KANSL1: variants seen among roughly 807,000 people sequenced by gnomAD.
KANSL1 encodes KAT8 regulatory NSL complex subunit 1.
A neutral mutation model predicts 103.6 loss-of-function variants in KANSL1; 22 were observed. The observed-to-expected ratio is 0.21, with a 90% CI of 0.15 to 0.30. The LOEUF is 0.30. Ranked by LOEUF, KANSL1 falls within the 10% of genes least tolerant of loss-of-function variation. The pLI, the probability that KANSL1 is intolerant of heterozygous loss-of-function variation, is 1.00. For synonymous variants in KANSL1, 600 were observed against 527.6 expected, an observed-to-expected ratio of 1.14 and a Z score of -1.88; for missense variants, 1,337 against 1,399.8, an observed-to-expected ratio of 0.96 and a Z score of 0.72.
intron 1 of KANSL1, among the ~76,000 whole-genome samples, chr17:46,177,943 A>G (rs1456076636): frequency 6.6e-6 from 1 of 152,080 alleles, no homozygotes; most frequent in East Asian, 1.9e-4. Flanking sequence ...ACGCCCAGCT[A>G]GTTTTTTGTA....
chr17:46,146,234 G>C (rs368172187), intron 2 of KANSL1, among the ~76,000 whole-genome samples: 1 of 152,168 alleles, frequency 6.6e-6, no homozygotes, highest in Non-Finnish European at 1.5e-5. Flanking sequence ...TATTTGAATA[G>C]ACGTCTAGTT....
chr17:46,119,665 A>G (rs2043198583), intron 2 of KANSL1, among the ~76,000 whole-genome samples: 2 of 152,082 alleles, frequency 1.3e-5, no homozygotes, highest in South Asian at 2.1e-4. Context: ...ACAAATTCCA[A>G]TCTTTCATCT....
intron 2 of KANSL1, among the ~76,000 whole-genome samples, chr17:46,105,371 C>A (rs1468002728): frequency 3.3e-5 from 5 of 152,188 alleles, no homozygotes; most frequent in Non-Finnish European, 7.3e-5. Context: ...AATCCCAGCA[C>A]TTTGGGAGGC....
At chr17:46,217,681 G>A (rs1359182005) in intron 1 of KANSL1, among the ~76,000 whole-genome samples, 1 of 152,124 alleles carries the variant, frequency 6.6e-6, no homozygotes, top group Non-Finnish European at 1.5e-5. Context: ...TTAAGGTCAG[G>A]AGTTTGAGAC....
chr17:46,220,717 C>T (rs1362323109), intron 1 of KANSL1, among the ~76,000 whole-genome samples: 1 of 152,232 alleles, frequency 6.6e-6, no homozygotes, highest in South Asian at 2.1e-4. Context: ...GACAGAGTCT[C>T]GCTTGGTCAG....
intron 2 of KANSL1, among the ~76,000 whole-genome samples, chr17:46,103,557 A>G (rs552283989): frequency 6.6e-6 from 1 of 152,362 alleles, no homozygotes; most frequent in Admixed American, 6.5e-5. Flanking sequence ...GAGTCAAATA[A>G]GATCCACACA....
At chr17:46,177,994 G>C (rs553869059) in intron 1 of KANSL1, among the ~76,000 whole-genome samples, 23 of 152,134 alleles carry the variant, frequency 1.5e-4, no homozygotes, top group South Asian at 2.1e-4. Flanking sequence ...AGCCAGGATG[G>C]TCTCCATCTC....
intron 2 of KANSL1, among the ~76,000 whole-genome samples, chr17:46,108,531 T>C (rs141234870): frequency 6.6e-6 from 1 of 152,372 alleles, no homozygotes; most frequent in East Asian, 1.9e-4. Flanking sequence ...TCTTTCTTAC[T>C]GTCTGTTTCC....
At chr17:46,091,612 A>G (rs1435826820) in intron 3 of KANSL1, among the ~76,000 whole-genome samples, 1 of 152,092 alleles carries the variant, frequency 6.6e-6, no homozygotes, top group East Asian at 1.9e-4. Context: ...TATCTTTTCT[A>G]CTACATTTTT....
intron 2 of KANSL1, among the ~76,000 whole-genome samples, chr17:46,136,911 GTTACTT>G (rs1555562252): frequency 6.6e-6 from 1 of 152,196 alleles, no homozygotes; most frequent in Non-Finnish European, 1.5e-5. Context: ...AATGTTCATG[GTTACTT>G]TTACTTTCAG....
chr17:46,190,997 G>A (rs963779503), intron 1 of KANSL1, among the ~76,000 whole-genome samples: 4 of 152,052 alleles, frequency 2.6e-5, no homozygotes, highest in African/African-American at 9.7e-5. Flanking sequence ...GGTAAATCAG[G>A]ATCAATGCAT....
chr17:46,216,449 A>C (rs561706600), intron 1 of KANSL1, among the ~76,000 whole-genome samples: 2 of 152,106 alleles, frequency 1.3e-5, no homozygotes, highest in South Asian at 4.1e-4. Context: ...AACTACAAAA[A>C]TTAGCCAGAT....
intron 6 of KANSL1, among the ~76,000 whole-genome samples, chr17:46,053,341 T>C (rs905484417): frequency 3.9e-5 from 6 of 152,038 alleles, no homozygotes; most frequent in East Asian, 1.9e-4. Context: ...TACTTATAAC[T>C]TGACAAAAGG....
chr17:46,200,782 G>A (rs2047778319), intron 1 of KANSL1, among the ~76,000 whole-genome samples: 1 of 151,992 alleles, frequency 6.6e-6, no homozygotes, highest in African/African-American at 2.4e-5. Flanking sequence ...TACGTCAGTT[G>A]CTGATTCTAA....
At chr17:46,224,948 C>T (rs1192278573), upstream of KANSL1, 2 of 151,674 alleles carry the variant, frequency 1.3e-5, no homozygotes, top group African/African-American at 2.4e-5. Flanking sequence ...ATGCGGCTTC[C>T]CTTCCTCTCC....
chr17:46,210,783 T>C (rs947827357), intron 1 of KANSL1, among the ~76,000 whole-genome samples: 1 of 152,248 alleles, frequency 6.6e-6, no homozygotes, highest in Non-Finnish European at 1.5e-5. Flanking sequence ...TTTCTAAATA[T>C]ATTAAATGAG....
intron 5 of KANSL1, among the ~76,000 whole-genome samples, chr17:46,066,947 TTAAC>T (rs1240146516): frequency 6.6e-6 from 1 of 152,226 alleles, no homozygotes; most frequent in African/African-American, 2.4e-5. Flanking sequence ...TTGGTGCACA[TTAAC>T]TACATCATGT....
chr17:46,159,845 A>G (rs180901667), intron 2 of KANSL1, among the ~76,000 whole-genome samples: 202 of 152,356 alleles, frequency 1.3e-3, no homozygotes, highest in Non-Finnish European at 2.3e-3. Context: ...TCACTTCTCT[A>G]GAGTGTTTAT....
At chr17:46,097,297 AGT>A (rs1289396147) in intron 2 of KANSL1, among the ~76,000 whole-genome samples, 1 of 152,270 alleles carries the variant, frequency 6.6e-6, no homozygotes, top group East Asian at 1.9e-4. Flanking sequence ...ACACACAAGT[AGT>A]GAAGGAATTT....
Sources: gnomAD v4.1 joint callset for allele counts (sites outside exome capture counted in the v4.1 genomes callset) on GRCh38, gnomAD v4.1.1 for gene constraint, MANE v1.5 for transcripts, NCBI Gene and HGNC (gene_info 2026-07-23, HGNC 2026-07-21) for gene names.